The following ATP2B2 variants were observed in gnomAD, a reference collection of about 807,000 sequenced individuals.
ATP2B2 encodes plasma membrane calcium-transporting ATPase 2.
A neutral mutation model predicts 120.0 loss-of-function variants in ATP2B2; 15 were observed. The ratio of observed to expected loss-of-function variants is 0.12; its 90% CI spans 0.08 to 0.19. The LOEUF (loss-of-function observed/expected upper bound fraction) is 0.19. Ranked by LOEUF, ATP2B2 falls within the 10% of genes least tolerant of loss-of-function variation. The pLI, the probability that ATP2B2 is intolerant of heterozygous loss-of-function variation, is 1.00. For missense variants in ATP2B2, 1,045 were observed against 1,719.8 expected (o/e 0.61, Z 6.94); for synonymous variants, 694 against 700.3 (o/e 0.99, Z 0.14).
chr3:10,618,779 CAT>C (rs1478149787), intron 2 of ATP2B2, among the ~76,000 whole-genome samples: 1 of 152,162 alleles, frequency 6.6e-6, no homozygotes, highest in African/African-American at 2.4e-5. Context: ...ATGAAAGAAA[CAT>C]GTGCTTATTA....
At chr3:10,357,350 G>A (rs558565877) in intron 14 of ATP2B2, among the ~76,000 whole-genome samples, 3 of 152,224 alleles carry the variant, frequency 2.0e-5, no homozygotes, top group Admixed American at 6.5e-5. Flanking sequence ...CAGCTGTGCC[G>A]GCACTCAGGA....
intron 1 of ATP2B2, among the ~76,000 whole-genome samples, chr3:10,634,188 G>C (rs576479809): frequency 6.6e-6 from 1 of 152,192 alleles, no homozygotes; most frequent in Non-Finnish European, 1.5e-5. Context: ...CCACTACCAG[G>C]TGCTTATTAC....
chr3:10,340,341 G>A lies in ATP2B2; in HGVS notation c.3138C>T (p.Ile1046=), dbSNP rs1160361497. The stretch of plus-strand genomic sequence containing the variant: ...TGAATGGCTTCCCTCCAAACTGCAC[G>A]ATCACTATCTGGAGGTCACAGGGGA... ...VLGTFAIQIV[I]VQFGGKPFSC... is the part of the protein sequence containing the mutation. Residue 1046 remains isoleucine (I), a synonymous_variant, in exon 21 of 23, where the codon ATC becomes ATT. Coordinates refer to ENST00000360273, the MANE Select transcript of ATP2B2 (RefSeq NM_001001331.4). This position sits in a 1 kb window ranked among gnomAD's most constrained non-coding sequence, Gnocchi z 5.0. 11 of 1,613,918 alleles carry A rather than the reference G, an allele frequency of 6.8e-6. No individual in the cohort carries two copies. Among genetic ancestry groups the A allele is most frequent in the East Asian group, 2.2e-5 (1 of 44,894 alleles).
intron 1 of ATP2B2, among the ~76,000 whole-genome samples, chr3:10,655,321 G>A (rs762139415): frequency 3.0e-5 from 3 of 100,070 alleles, no homozygotes; most frequent in African/African-American, 8.6e-5. Context: ...GTTTGTCAAC[G>A]CCCCTGCACC....
upstream of ATP2B2, among the ~76,000 whole-genome samples, chr3:10,509,967 G>T (rs2066727094): frequency 6.6e-6 from 1 of 152,212 alleles, no homozygotes; most frequent in African/African-American, 2.4e-5. Flanking sequence ...GCAAGTTAAA[G>T]GAGAATGGCA....
chr3:10,690,924 G>A (rs1051566961), intron 1 of ATP2B2, among the ~76,000 whole-genome samples: 1 of 152,166 alleles, frequency 6.6e-6, no homozygotes, highest in Non-Finnish European at 1.5e-5. Context: ...CACTTTATTC[G>A]TCGATGAATC....
chr3:10,443,340 G>T (rs556244192), intron 2 of ATP2B2, among the ~76,000 whole-genome samples: 4 of 152,060 alleles, frequency 2.6e-5, no homozygotes, highest in Non-Finnish European at 5.9e-5. Flanking sequence ...TTGGGGTCTT[G>T]GTGGACTGAC....
intron 1 of ATP2B2, among the ~76,000 whole-genome samples, chr3:10,496,807 G>A (rs1215545958): frequency 3.3e-5 from 5 of 152,224 alleles, no homozygotes; most frequent in Non-Finnish European, 7.3e-5. Context: ...CTGATGCTCA[G>A]AAAGAGACTG....
chr3:10,523,212 G>A (rs1024200364), intron 3 of ATP2B2, among the ~76,000 whole-genome samples: 1 of 152,186 alleles, frequency 6.6e-6, no homozygotes, highest in African/African-American at 2.4e-5. Flanking sequence ...TTATGATTTT[G>A]TCTCCATTTT....
At chr3:10,647,722 G>A (rs1361334008) in intron 1 of ATP2B2, among the ~76,000 whole-genome samples, 2 of 152,194 alleles carry the variant, frequency 1.3e-5, no homozygotes, top group Admixed American at 1.3e-4. Flanking sequence ...ATCAAAGGAA[G>A]GAATAGTTTT....
chr3:10,373,887 C>T (rs1436288424), intron 11 of ATP2B2, among the ~76,000 whole-genome samples: 2 of 152,104 alleles, frequency 1.3e-5, no homozygotes, highest in Admixed American at 1.3e-4. Flanking sequence ...TACTAGGAAA[C>T]TTAAAATTGC....
intron 22 of ATP2B2, among the ~76,000 whole-genome samples, chr3:10,334,225 C>G (rs60263753): frequency 0.011 from 1,650 of 152,290 alleles, 35 homozygotes; most frequent in African/African-American, 0.038. Context: ...GAAAGAGGCT[C>G]AACTGGGATG....
At chr3:10,548,418 C>A (rs1469305845) in intron 2 of ATP2B2, among the ~76,000 whole-genome samples, 1 of 152,208 alleles carries the variant, frequency 6.6e-6, no homozygotes, top group Non-Finnish European at 1.5e-5. Context: ...CCAACCCCAG[C>A]AGCTCTCAGC....
intron 2 of ATP2B2, among the ~76,000 whole-genome samples, chr3:10,558,877 A>T (rs1036457779): frequency 1.3e-5 from 2 of 152,088 alleles, no homozygotes; most frequent in Admixed American, 6.6e-5. Context: ...AGGAGAGGAG[A>T]GAACGAGTGA....
At chr3:10,429,104 A>G (rs1575198543) in intron 2 of ATP2B2, among the ~76,000 whole-genome samples, 1 of 151,488 alleles carries the variant, frequency 6.6e-6, no homozygotes, top group South Asian at 2.1e-4. Flanking sequence ...CTCAGGCCCC[A>G]CCTCCCAGCC....
intron 1 of ATP2B2, among the ~76,000 whole-genome samples, chr3:10,707,485 C>G (rs2071913935): frequency 6.6e-6 from 1 of 152,196 alleles, no homozygotes; most frequent in African/African-American, 2.4e-5. Flanking sequence ...GAACTAGAGC[C>G]AGGAGAAAGG....
chr3:10,414,626 T>C (rs145951267), intron 2 of ATP2B2, among the ~76,000 whole-genome samples: 159 of 152,296 alleles, frequency 1.0e-3, no homozygotes, highest in African/African-American at 3.8e-3. Context: ...AATCTCCCCA[T>C]TAAAAACATG....
At chr3:10,645,081 A>G (rs2125656856) in intron 1 of ATP2B2, among the ~76,000 whole-genome samples, 2 of 152,160 alleles carry the variant, frequency 1.3e-5, no homozygotes, top group Middle Eastern at 6.8e-3. Flanking sequence ...AAAAAATACT[A>G]CGTATGTCGG....
At chr3:10,353,533 G>A (rs1390112102) in intron 14 of ATP2B2, among the ~76,000 whole-genome samples, 1 of 152,234 alleles carries the variant, frequency 6.6e-6, no homozygotes, top group Non-Finnish European at 1.5e-5. Context: ...GGGAAGATGT[G>A]GGGTAGGGAC....
Sources: allele counts gnomAD v4.1 joint callset (sites outside exome capture counted in the v4.1 genomes callset), GRCh38; gene constraint gnomAD v4.1.1; non-coding constraint Gnocchi (gnomAD v3.1); transcripts MANE v1.5; gene names NCBI Gene and HGNC (gene_info 2026-07-23, HGNC 2026-07-21).